The following APBB2 variants were observed in gnomAD, a reference collection of about 807,000 sequenced individuals.
The protein encoded by APBB2 is Fe65-like 1.
APBB2 carries 38 observed loss-of-function variants against 82.5 expected under a neutral mutation model. The ratio of observed to expected loss-of-function variants is 0.46; its 90% CI spans 0.36 to 0.60. APBB2 has a LOEUF of 0.60. Among genes scored for constraint, APBB2 ranks in the 20% least tolerant of loss-of-function variants. The pLI is 0.00. For missense variants in APBB2, 772 were observed against 972.3 expected, an observed-to-expected ratio of 0.79 and a Z score of 2.74; for synonymous variants, 341 against 368.2, an observed-to-expected ratio of 0.93 and a Z score of 0.85.
intron 10 of APBB2, among the ~76,000 whole-genome samples, chr4:40,893,988 A>C (rs10006707): frequency 0.028 from 4,175 of 150,770 alleles, 170 homozygotes; most frequent in African/African-American, 0.087. Flanking sequence ...ACAACAACAA[A>C]AAAAGAATAG....
Position 40,840,467 on chromosome 4 carries a change from C to T in APBB2, c.1530-9890G>A, listed in dbSNP as rs192353650. Among the ~76,000 whole-genome samples the T allele has an allele frequency of 2.8e-3, 428 of 152,260 alleles. 2 individuals carry two copies. The highest frequency in any genetic ancestry group is 0.027 in the Middle Eastern group (8 of 294). On this transcript the variant is annotated intron_variant, in intron 12 of 17. Transcript: ENST00000508593. ...AGATGGCCAATCCAGAATGACCCCC[C>T]GCAAAACACACACATGTAAGACTCT...
chr4:40,981,329 C>T (rs1473324706), intron 6 of APBB2, among the ~76,000 whole-genome samples: 1 of 151,790 alleles, frequency 6.6e-6, no homozygotes, highest in African/African-American at 2.4e-5. Flanking sequence ...TTACAGTGAG[C>T]TGAGATCGCA....
chr4:40,901,613 G>A (rs868133605), intron 10 of APBB2, among the ~76,000 whole-genome samples: 1 of 152,140 alleles, frequency 6.6e-6, no homozygotes, highest in African/African-American at 2.4e-5. Context: ...AGGCTCAAGC[G>A]ATTCTTGTGC....
At chr4:41,092,335 T>C (rs560839628) in intron 3 of APBB2, among the ~76,000 whole-genome samples, 2 of 152,316 alleles carry the variant, frequency 1.3e-5, no homozygotes, top group African/African-American at 4.8e-5. Flanking sequence ...AATCACATAA[T>C]GGGTGGAGGC....
chr4:41,183,850 G>A (rs979138570), intron 1 of APBB2, among the ~76,000 whole-genome samples: 5 of 151,406 alleles, frequency 3.3e-5, no homozygotes, highest in African/African-American at 7.3e-5. Context: ...GTGGGAGGGG[G>A]CGGTTCATGA....
At chr4:41,032,543 T>G (rs1717239400) in intron 5 of APBB2, among the ~76,000 whole-genome samples, 1 of 151,980 alleles carries the variant, frequency 6.6e-6, no homozygotes, top group Non-Finnish European at 1.5e-5. Context: ...CTACAAGCTA[T>G]TAATAAGATG....
chr4:40,888,055 T>C lies in APBB2; in HGVS notation c.1529+2309A>G, dbSNP rs1770844173. Reference sequence around the variant, plus strand: ...TCAAGTCTCCCTGCGGTCTGACTCCTCTCCGACCTCCACTGTCTTTAAAAG... The same window carrying C: ...TCAAGTCTCCCTGCGGTCTGACTCCCCTCCGACCTCCACTGTCTTTAAAAG... On this transcript the variant is annotated intron_variant, in intron 12 of 17. Transcript: ENST00000508593. Among the ~76,000 whole-genome samples the C allele has an allele frequency of 2.0e-5, 3 of 152,208 alleles. No homozygotes were observed. The South Asian group carries it at 6.2e-4, about 32-fold the overall frequency.
At chr4:41,191,348 T>G (rs1268058541) in intron 1 of APBB2, among the ~76,000 whole-genome samples, 7 of 152,210 alleles carry the variant, frequency 4.6e-5, no homozygotes, top group Non-Finnish European at 7.3e-5. Flanking sequence ...CTGCCCAACC[T>G]GGTGTCCACT....
intron 10 of APBB2, among the ~76,000 whole-genome samples, chr4:40,930,310 T>C (rs562228589): frequency 6.6e-6 from 1 of 152,330 alleles, no homozygotes; most frequent in South Asian, 2.1e-4. Context: ...CTCAGAATTA[T>C]ATACAAACAC....
At chr4:41,181,900 C>G (rs1771470948) in intron 1 of APBB2, among the ~76,000 whole-genome samples, 1 of 139,736 alleles carries the variant, frequency 7.2e-6, no homozygotes, top group African/African-American at 2.7e-5. Context: ...GAGTCGAGAT[C>G]ACGCCATTGC....
At chr4:40,973,654 G>A (rs1796474342) in intron 6 of APBB2, among the ~76,000 whole-genome samples, 1 of 152,092 alleles carries the variant, frequency 6.6e-6, no homozygotes, top group Non-Finnish European at 1.5e-5. Context: ...CTAAAATCAA[G>A]GTGTTGGCAG....
chr4:40,817,162 C>T (rs908714918), intron 17 of APBB2, among the ~76,000 whole-genome samples: 1 of 151,960 alleles, frequency 6.6e-6, no homozygotes, highest in South Asian at 2.1e-4. Context: ...AATCCTAGCA[C>T]TTTGGGAGGC....
chr4:41,033,090 AT>A, intron 5 of APBB2, 145 bp downstream of exon 5: 1 of 685,350 alleles, frequency 1.5e-6, no homozygotes, highest in Non-Finnish European at 2.5e-6. Context: ...GCCAAGATTC[AT>A]TTTTCTATTA....
chr4:41,202,723 C>A (rs975163808), intron 1 of APBB2, among the ~76,000 whole-genome samples: 1 of 152,156 alleles, frequency 6.6e-6, no homozygotes, highest in African/African-American at 2.4e-5. Flanking sequence ...TCAATACTAA[C>A]GTAAAATAAA....
At chr4:40,895,158 G>A (rs967117175) in intron 10 of APBB2, among the ~76,000 whole-genome samples, 3 of 152,088 alleles carry the variant, frequency 2.0e-5, no homozygotes, top group South Asian at 2.1e-4. Flanking sequence ...GTTCCTGAGC[G>A]GATGATCACA....
At chr4:41,188,285 C>T (rs76688289) in intron 1 of APBB2, among the ~76,000 whole-genome samples, 4,289 of 152,222 alleles carry the variant, frequency 0.028, 201 homozygotes, top group African/African-American at 0.096. Context: ...CAAGCTACCT[C>T]CATGAAGTAA....
chr4:40,905,445 G>A (rs930647026), intron 10 of APBB2, among the ~76,000 whole-genome samples: 13 of 152,190 alleles, frequency 8.5e-5, no homozygotes, highest in East Asian at 1.9e-4. Context: ...GGAGCCAGGC[G>A]AGTTCCCAGG....
chr4:40,871,728 G>A (rs4861321), intron 12 of APBB2, among the ~76,000 whole-genome samples: 21,586 of 152,228 alleles, frequency 0.14, 1,938 homozygotes, highest in Non-Finnish European at 0.21. Flanking sequence ...AAAGCATTGT[G>A]TCAAAACATG....
At chr4:41,049,594 G>A (rs1369888110) in intron 4 of APBB2, among the ~76,000 whole-genome samples, 1 of 152,046 alleles carries the variant, frequency 6.6e-6, no homozygotes, top group East Asian at 2.0e-4. Flanking sequence ...TGGTAAGTGA[G>A]GAGCCCCTCT....
Sources: gnomAD v4.1 joint callset for allele counts (sites outside exome capture counted in the v4.1 genomes callset) on GRCh38, gnomAD v4.1.1 for gene constraint, MANE v1.5 for transcripts, NCBI Gene and HGNC (gene_info 2026-07-23, HGNC 2026-07-21) for gene names.